The following ZNF346 variants were observed in gnomAD, a reference collection of about 807,000 sequenced individuals.
ZNF346 encodes the protein double-stranded RNA-binding zinc finger protein JAZ.
In ZNF346, 23 loss-of-function variants were observed where a neutral mutation model predicts 33.7. The observed-to-expected ratio is 0.68, with a 90% confidence interval of 0.49 to 0.97. ZNF346 has a LOEUF of 0.97. Ranked by LOEUF, ZNF346 falls within the 50% of genes least tolerant of loss-of-function variation. The pLI is 0.00. For synonymous variants in ZNF346, 134 were observed against 142.4 expected (o/e 0.94, Z 0.42); for missense variants, 340 against 371.1 (o/e 0.92, Z 0.69).
intron 1 of ZNF346, among the ~76,000 whole-genome samples, chr5:177,030,300 C>T (rs1017405494): frequency 6.6e-6 from 1 of 151,992 alleles, no homozygotes; most frequent in South Asian, 2.1e-4. Flanking sequence ...AAAGAATATA[C>T]TTGAGATGAG....
intron 1 of ZNF346, chr5:177,023,138 C>T (rs1270129968): frequency 3.6e-6 from 5 of 1,381,114 alleles, no homozygotes; most frequent in Admixed American, 2.0e-5. Context: ...TTTTCCTCCT[C>T]CTCCTTCATC....
At chr5:177,048,713 C>T (rs776205951) in intron 4 of ZNF346, among the ~76,000 whole-genome samples, 9 of 151,526 alleles carry the variant, frequency 5.9e-5, no homozygotes, top group Non-Finnish European at 1.3e-4. Context: ...GTCACCTATG[C>T]GTTTGTTGTT....
intron 8 of ZNF346, among the ~76,000 whole-genome samples, chr5:177,075,738 G>A (rs781318935): frequency 1.3e-5 from 2 of 151,954 alleles, no homozygotes; most frequent in African/African-American, 4.8e-5. Flanking sequence ...CCAGGCTAGA[G>A]TGCAGTGGTG....
At chr5:177,062,449 T>C (rs1782668112) in intron 6 of ZNF346, among the ~76,000 whole-genome samples, 1 of 152,172 alleles carries the variant, frequency 6.6e-6, no homozygotes, top group African/African-American at 2.4e-5. Flanking sequence ...ACTGGGGAAG[T>C]GCTTTTCCAC....
At chr5:177,043,417 C>T (rs1247031895) in intron 3 of ZNF346, among the ~76,000 whole-genome samples, 1 of 152,086 alleles carries the variant, frequency 6.6e-6, no homozygotes, top group Non-Finnish European at 1.5e-5. Flanking sequence ...GCTGGGATCC[C>T]TTTATGTAGT....
downstream of ZNF346, among the ~76,000 whole-genome samples, chr5:177,070,391 G>A (rs530586537): frequency 6.6e-6 from 1 of 152,114 alleles, no homozygotes; most frequent in African/African-American, 2.4e-5. Context: ...CAGCAGGCAA[G>A]CATATGAGGG....
rs763866977 is a variant in ZNF346 at position 177,064,583 on chromosome 5, C to T, written c.869C>T (p.Thr290Ile). ...MQRQPIQKDS[T>I]TLED ...AGGCAACCCATTCAGAAAGACTCAACCACCTTGGAAGACTAGAGGTGATTC... is the reference window on the plus strand; with the variant it reads ...AGGCAACCCATTCAGAAAGACTCAATCACCTTGGAAGACTAGAGGTGATTC... The change falls in exon 7 of 7, where the codon ACC (threonine) becomes ATC (isoleucine). Residue 290 changes from threonine to isoleucine, a missense_variant. Physicochemically the swap from Thr to Ile is moderately conservative, Grantham distance 89. Transcript: ENST00000358149. 1.9e-6 allele frequency: 3 copies of T among 1,614,094 alleles called. No individual in the cohort carries two copies. The highest frequency in any genetic ancestry group is 2.2e-5 in the East Asian group (1 of 44,892).
Position 177,022,744 on chromosome 5 carries a change from G to A in ZNF346, c.6G>A (p.Glu2=). ...GGTGAGGGTTTGCGGGGAAGATGGA[G>A]TATCCCGCGCCGGCCACGGTGCAGG... M[E]YPAPATVQAA... is the part of the protein sequence containing the mutation. The change falls in exon 1 of 7, where the codon GAG becomes GAA. Residue 2 remains glutamate, a synonymous_variant. Transcript: ENST00000358149. 1 of 1,553,066 alleles carries A rather than the reference G, an allele frequency of 6.4e-7. No individual in the cohort carries two copies. Among genetic ancestry groups the A allele is most frequent in the South Asian group, 1.2e-5 (1 of 84,702 alleles).
intron 1 of ZNF346, among the ~76,000 whole-genome samples, chr5:177,040,165 A>G (rs1200330441): frequency 6.9e-6 from 1 of 145,642 alleles, no homozygotes; most frequent in East Asian, 2.0e-4. Context: ...TGGGTGACAG[A>G]GCGAGACTCC....
chr5:177,041,557 A>G (rs983076144), intron 2 of ZNF346, among the ~76,000 whole-genome samples: 4 of 152,226 alleles, frequency 2.6e-5, no homozygotes. Context: ...TAGTTTCCTC[A>G]TCCATAAAAT....
chr5:177,042,498 C>T (rs1779463229), intron 3 of ZNF346, among the ~76,000 whole-genome samples: 1 of 152,164 alleles, frequency 6.6e-6, no homozygotes, highest in South Asian at 2.1e-4. Flanking sequence ...CCTCTGTGAA[C>T]TTCCCCCATA....
intron 6 of ZNF346, among the ~76,000 whole-genome samples, chr5:177,063,861 A>G (rs964610143): frequency 3.9e-5 from 6 of 152,148 alleles, no homozygotes; most frequent in South Asian, 2.1e-4. Flanking sequence ...TGGCACCACT[A>G]TTCTCCAGTC....
At chr5:177,042,329 C>T (rs1198432886) in intron 3 of ZNF346, 2 of 153,064 alleles carry the variant, frequency 1.3e-5, no homozygotes, top group African/African-American at 4.8e-5. Flanking sequence ...GAGGTGATCA[C>T]ATGTGCTTTT....
intron 1 of ZNF346, among the ~76,000 whole-genome samples, chr5:177,034,203 C>CTTT (rs34082036): frequency 0.12 from 17,033 of 142,750 alleles, 2,353 homozygotes; most frequent in African/African-American, 0.34. Flanking sequence ...TCCTTTCTTT[C>CTTT]TTTTTTTTTT....
chr5:177,068,161 C>T (rs1444585884), downstream of ZNF346, among the ~76,000 whole-genome samples: 1 of 137,502 alleles, frequency 7.3e-6, no homozygotes, highest in South Asian at 2.3e-4. Flanking sequence ...GTGCCATGGT[C>T]TCACAGGGTG....
chr5:177,028,494 T>TATATATATATATATATATATATATA (rs1554142595), intron 1 of ZNF346, among the ~76,000 whole-genome samples: 1 of 46,010 alleles, frequency 2.2e-5, no homozygotes, highest in African/African-American at 5.8e-5. Flanking sequence ...ACTTGTGACG[T>TATATATATATATATATATATATATA]TTTATATATA....
chr5:177,075,830 G>A (rs1783721341), intron 8 of ZNF346, among the ~76,000 whole-genome samples: 1 of 152,142 alleles, frequency 6.6e-6, no homozygotes. Context: ...GGAATTACAG[G>A]CACCCGCCAC....
In ZNF346 at chr5:177,044,534, G is replaced by A; in HGVS notation, c.517+1G>A. The A allele has an allele frequency of 6.2e-7, 1 of 1,613,540 alleles. No individual in the cohort carries two copies. The highest frequency in any genetic ancestry group is 2.2e-5 in the East Asian group (1 of 44,888). ...AAGCAGCAGTCCACTAAGGTGGAAG[G>A]TACTGGTTTTCCTGAGTAGTGCTAT... is the stretch of plus-strand genomic sequence containing the variant. On this transcript the variant is annotated splice_donor_variant, in intron 4 of 6. Transcript: ENST00000358149. LOFTEE classifies it high-confidence loss of function.
chr5:177,033,645 T>C (rs1307004028), intron 1 of ZNF346, among the ~76,000 whole-genome samples: 4 of 152,172 alleles, frequency 2.6e-5, no homozygotes, highest in African/African-American at 9.6e-5. Context: ...TGCCTCAGCC[T>C]CCTGAGTGGC....
Sources: gnomAD v4.1 joint callset for allele counts (sites outside exome capture counted in the v4.1 genomes callset) on GRCh38, gnomAD v4.1.1 for gene constraint, MANE v1.5 for transcripts, NCBI Gene and HGNC (gene_info 2026-07-23, HGNC 2026-07-21) for gene names.